The following NAALADL2 variants were observed in gnomAD, a reference collection of about 807,000 sequenced individuals.
NAALADL2 encodes N-acetylated alpha-linked acidic dipeptidase like 2.
In NAALADL2, 76 loss-of-function variants were observed where a neutral mutation model predicts 87.2. The observed-to-expected ratio is 0.87, with a 90% CI of 0.72 to 1.05. NAALADL2 has a LOEUF of 1.05. NAALADL2 is among the 50% of genes least tolerant of loss of function. NAALADL2 has a pLI of 0.00. For missense variants in NAALADL2, 1,089 were observed against 945.8 expected (o/e 1.15, Z -1.99); for synonymous variants, 354 against 331.0 (o/e 1.07, Z -0.75).
chr3:175,013,303 T>TATATA (rs1560476455), intron 1 of NAALADL2, among the ~76,000 whole-genome samples: 8 of 101,042 alleles, frequency 7.9e-5, no homozygotes, highest in Non-Finnish European at 1.3e-4. Flanking sequence ...ATATATATAT[T>TATATA]TTTTTTTTTT....
intron 1 of NAALADL2, among the ~76,000 whole-genome samples, chr3:175,087,040 GA>G (rs1163253760): frequency 6.6e-6 from 1 of 151,954 alleles, no homozygotes; most frequent in African/African-American, 2.4e-5. Flanking sequence ...GGGAGGCCTA[GA>G]AAAAATATTA....
chr3:175,802,337 A>G (rs1754272811), intron 13 of NAALADL2, among the ~76,000 whole-genome samples: 2 of 143,974 alleles, frequency 1.4e-5, no homozygotes, highest in Non-Finnish European at 3.0e-5. Flanking sequence ...TTGGGGGGGG[A>G]CAATTTTGCT....
chr3:174,841,516 G>A (rs1724021515), intron 3 of NAALADL2, among the ~76,000 whole-genome samples: 1 of 152,122 alleles, frequency 6.6e-6, no homozygotes, highest in Admixed American at 6.5e-5. Context: ...AAGCTACCAT[G>A]AAGAAGCTAA....
At chr3:175,702,326 T>A (rs1265169932) in intron 11 of NAALADL2, among the ~76,000 whole-genome samples, 1 of 152,154 alleles carries the variant, frequency 6.6e-6, no homozygotes, top group Non-Finnish European at 1.5e-5. Context: ...GAATCTGTAA[T>A]ATAAAGTTAA....
At chr3:175,367,548 G>A (rs552227029) in intron 5 of NAALADL2, among the ~76,000 whole-genome samples, 1 of 152,156 alleles carries the variant, frequency 6.6e-6, no homozygotes, top group Non-Finnish European at 1.5e-5. Flanking sequence ...GCAGTGGTTT[G>A]TAGTTCTCCT....
rs1754981269 is a variant in NAALADL2 at position 175,809,490 on chromosome 3, A to G, written c.*6287A>G. The G allele has an allele frequency of 7.0e-6, 1 of 142,058 alleles. No homozygotes were observed. The highest frequency in any genetic ancestry group is 2.1e-4 in the East Asian group (1 of 4,830). The allele number at this position is 142,058 out of a possible 1,614,324, so 8.8% of individuals were successfully genotyped here. On this transcript the variant is annotated 3_prime_UTR_variant, in exon 14 of 14. Transcript: ENST00000454872. The stretch of plus-strand genomic sequence containing the variant: ...ACATCCAGAAAATAGCCTGGGCAAC[A>G]AAGTGAGACCCTGTCTCTCTTAAAA...
At chr3:175,077,605 C>T (rs910267602) in intron 1 of NAALADL2, among the ~76,000 whole-genome samples, 1 of 152,002 alleles carries the variant, frequency 6.6e-6, no homozygotes, top group Non-Finnish European at 1.5e-5. Context: ...ATTTACCATT[C>T]CATTAGCATT....
intron 5 of NAALADL2, among the ~76,000 whole-genome samples, chr3:175,381,054 T>C (rs1238778823): frequency 2.6e-5 from 4 of 151,986 alleles, no homozygotes; most frequent in Non-Finnish European, 4.4e-5. Context: ...AAAGAAAGGT[T>C]TTATAATGAA....
rs529291535 is a variant in NAALADL2, at chr3:175,695,078, A to T, written c.1897-42228A>T. Reference sequence around the variant, plus strand: ...AGATCCATATAGGTGCTTGAAAAAAAAAAAACAATCCCTGAGATAATTGGG... The same window carrying T: ...AGATCCATATAGGTGCTTGAAAAAATAAAAACAATCCCTGAGATAATTGGG... On this transcript the variant is annotated intron_variant, in intron 11 of 13. Transcript: ENST00000454872. Among the ~76,000 whole-genome samples, 4 of 152,174 alleles carry T rather than the reference A, an allele frequency of 2.6e-5. No individual in the cohort carries two copies. In the South Asian group the frequency reaches 8.3e-4, roughly 32 times the overall value.
intron 6 of NAALADL2, among the ~76,000 whole-genome samples, chr3:175,461,466 C>G (rs540039979): frequency 6.6e-6 from 1 of 152,284 alleles, no homozygotes; most frequent in Admixed American, 6.5e-5. Flanking sequence ...GGCTTCACCT[C>G]TCAATCCCCC....
At chr3:175,718,648 C>T in intron 11 of NAALADL2, 7 of 1,585,038 alleles carry the variant, frequency 4.4e-6, no homozygotes, top group Non-Finnish European at 4.3e-6. Context: ...CTTTTACTCC[C>T]GAGCCCGTGG....
intron 11 of NAALADL2, among the ~76,000 whole-genome samples, chr3:175,662,736 A>G (rs1364205059): frequency 6.6e-5 from 10 of 152,018 alleles, no homozygotes; most frequent in African/African-American, 1.9e-4. Context: ...CTTTATCAGC[A>G]TCTATTGAAA....
At chr3:175,329,501 G>T (rs1761142439) in intron 5 of NAALADL2, among the ~76,000 whole-genome samples, 1 of 152,168 alleles carries the variant, frequency 6.6e-6, no homozygotes, top group Non-Finnish European at 1.5e-5. Flanking sequence ...ACTGACTTGA[G>T]TTGGCACTAA....
chr3:174,567,329 A>G (rs911635469), intron 2 of NAALADL2, among the ~76,000 whole-genome samples: 15 of 151,274 alleles, frequency 9.9e-5, no homozygotes, highest in African/African-American at 3.7e-4. Context: ...TTTGCATAAC[A>G]TATTTAATTT....
intron 9 of NAALADL2, among the ~76,000 whole-genome samples, chr3:175,565,824 C>T (rs1389447646): frequency 1.5e-5 from 2 of 136,042 alleles, no homozygotes; most frequent in African/African-American, 2.7e-5. Flanking sequence ...ACAAAAGCCC[C>T]CCCCCTTTTT....
chr3:175,730,840 T>C (rs574305457), intron 11 of NAALADL2, among the ~76,000 whole-genome samples: 30 of 152,266 alleles, frequency 2.0e-4, no homozygotes, highest in Non-Finnish European at 4.0e-4. Context: ...CACCAGGGTC[T>C]TGAGGTACAT....
chr3:175,803,017 C>CCA lies in NAALADL2; in HGVS notation c.2204_2205dup (p.Leu736ThrfsTer13). The stretch of plus-strand genomic sequence containing the variant: ...TATTTCTTTTCAGAAACATCCTCTA[C>CCA]CACCTTGATGAAAAGACAAGCCGGT... On this transcript the variant is annotated frameshift_variant, in exon 14 of 14. Transcript: ENST00000454872. LOFTEE classifies it high-confidence loss of function. 1 of 1,610,196 alleles carries CCA rather than the reference C, an allele frequency of 6.2e-7. No individual in the cohort carries two copies. The highest frequency in any genetic ancestry group is 1.3e-5 in the African/African-American group (1 of 74,880).
intron 13 of NAALADL2, among the ~76,000 whole-genome samples, chr3:175,771,152 T>G (rs1749433879): frequency 6.6e-6 from 1 of 152,214 alleles, no homozygotes; most frequent in African/African-American, 2.4e-5. Context: ...TTATTTTATG[T>G]ATTTATTATT....
chr3:175,141,525 C>G (rs1729991560), intron 2 of NAALADL2, among the ~76,000 whole-genome samples: 1 of 151,982 alleles, frequency 6.6e-6, no homozygotes, highest in Admixed American at 6.6e-5. Flanking sequence ...GCATCAGTAG[C>G]AAAGCTTGAC....
Sources: allele counts gnomAD v4.1 joint callset (sites outside exome capture counted in the v4.1 genomes callset), GRCh38; gene constraint gnomAD v4.1.1; transcripts MANE v1.5; gene names NCBI Gene and HGNC (gene_info 2026-07-23, HGNC 2026-07-21).